DNAH6: variants seen among roughly 807,000 people sequenced by gnomAD.
The protein encoded by DNAH6 is axonemal beta dynein heavy chain 6.
Under a neutral mutation model 491.4 loss-of-function variants are expected in DNAH6, and 340 were observed. The ratio of observed to expected loss-of-function variants is 0.69; its 90% CI spans 0.63 to 0.76. The LOEUF (loss-of-function observed/expected upper bound fraction) is 0.76, where lower values mean the gene tolerates loss of function less well. Among genes scored for constraint, DNAH6 ranks in the 30% least tolerant of loss-of-function variants. The probability of loss-of-function intolerance (pLI) is 0.00; values close to 1 mark genes in which losing one functional copy is unlikely to be tolerated. For synonymous variants in DNAH6, 1,603 were observed against 1,686.1 expected (o/e 0.95, Z 1.21); for missense variants, 4,443 against 4,972.2 (o/e 0.89, Z 3.20).
intron 64 of DNAH6, among the ~76,000 whole-genome samples, chr2:84,764,522 CAA>C (rs1674890676): frequency 6.6e-6 from 1 of 152,004 alleles, no homozygotes; most frequent in South Asian, 2.1e-4. Context: ...AAAAAATAAG[CAA>C]AAATTATTTG....
chr2:84,618,958 C>T (rs1327551098), intron 23 of DNAH6, among the ~76,000 whole-genome samples: 2 of 152,140 alleles, frequency 1.3e-5, no homozygotes, highest in African/African-American at 4.8e-5. Context: ...ACGTTATTTA[C>T]AAAAACAGGT....
At chr2:84,812,572 G>A (rs1259453259) in intron 73 of DNAH6, 46 bp downstream of exon 73, 2 of 1,504,670 alleles carry the variant, frequency 1.3e-6, no homozygotes, top group South Asian at 2.5e-5. Flanking sequence ...TGATGGCATA[G>A]TTGGCCTAAG....
At chr2:84,495,766 C>G in the DNAH6 span, among the ~76,000 whole-genome samples, 2 of 152,100 alleles carry the variant, frequency 1.3e-5, no homozygotes, top group East Asian at 3.9e-4. Context: ...ATATCACAAA[C>G]CCCTCAGAAA....
At chr2:84,467,217 T>G in the DNAH6 span, among the ~76,000 whole-genome samples, 2 of 151,814 alleles carry the variant, frequency 1.3e-5, no homozygotes, top group African/African-American at 4.9e-5. Flanking sequence ...TATCCTAACT[T>G]AAAACAATCC....
In DNAH6 at chr2:84,814,063, G is replaced by T; in HGVS notation, c.12091G>T (p.Ala4031Ser). Residue 4031 changes from alanine to serine, a missense_variant, in exon 75 of 77, where the codon GCA becomes TCA. Ala to Ser is a moderately conservative substitution (Grantham distance 99). This residue lies in a region of DNAH6 where 1,463 missense variants were observed against 1,656.6 expected (regional missense o/e 0.88). Transcript: ENST00000389394. ...AATTCCCACCTATCGGGATCAAGCT[G>T]CAGTGATAGAAGCTGCCAAGACAGT... ...SVIPTYRDQA[A>S]VIEAAKTVQF... 4 of 1,551,740 alleles carry T rather than the reference G, an allele frequency of 2.6e-6. No individual in the cohort carries two copies. The highest frequency in any genetic ancestry group is 3.5e-6 in the Non-Finnish European group (4 of 1,146,996).
intron 42 of DNAH6, among the ~76,000 whole-genome samples, chr2:84,683,760 G>A (rs181998056): frequency 2.0e-5 from 3 of 152,140 alleles, no homozygotes; most frequent in Non-Finnish European, 2.9e-5. Flanking sequence ...TAACTAACAT[G>A]TATAAGTTTG....
chr2:84,760,748 T>C (rs867346584), intron 63 of DNAH6, among the ~76,000 whole-genome samples: 9 of 152,260 alleles, frequency 5.9e-5, no homozygotes, highest in Middle Eastern at 3.4e-3. Flanking sequence ...AAACAGTATT[T>C]AAAAAAATTT....
At chr2:84,583,835 C>A (rs1174849509) in intron 14 of DNAH6, among the ~76,000 whole-genome samples, 164 bp from the exon 15 acceptor site, 1 of 152,148 alleles carries the variant, frequency 6.6e-6, no homozygotes. Context: ...TCCATTAAAC[C>A]TTTCTTTTAT....
Position 84,579,598 on chromosome 2 carries a change from A to C in DNAH6, c.2148A>C (p.Ala716=). 6.2e-7 allele frequency: 1 copy of C among 1,613,488 alleles called. No individual in the cohort carries two copies. The highest frequency in any genetic ancestry group is 8.5e-7 in the Non-Finnish European group (1 of 1,179,636). Residue 716 remains alanine, a synonymous_variant, in exon 14 of 77, where the codon GCA becomes GCC. Transcript: ENST00000389394. ...VDAIIFEAQD[A]EYKLEFVPTT... ...CCATTATCTTTGAGGCACAAGATGC[A>C]GAGTATAAACTTGAGTTTGTTCCAA...
chr2:84,775,417 T>A (rs1325408700), intron 64 of DNAH6, among the ~76,000 whole-genome samples: 1 of 152,132 alleles, frequency 6.6e-6, no homozygotes, highest in African/African-American at 2.4e-5. Context: ...TTTCCTAGTA[T>A]TTTGTTGAGA....
chr2:84,814,189 C>G, intron 75 of DNAH6, 67 bp downstream of exon 75: 2 of 1,477,916 alleles, frequency 1.4e-6, no homozygotes, highest in South Asian at 2.6e-5. Context: ...TTTCAGACAA[C>G]CTTCCATGCC....
At chr2:84,522,188 A>C (rs974495868) in intron 2 of DNAH6, among the ~76,000 whole-genome samples, 1 of 151,896 alleles carries the variant, frequency 6.6e-6, no homozygotes, top group Non-Finnish European at 1.5e-5. Context: ...GAGAACTTAC[A>C]CCTCCCTGGT....
At position 84,634,004 on chromosome 2, in the gene DNAH6, C is replaced by T. The variant is rs147426386; in HGVS notation, c.4516-500C>T. Among the ~76,000 whole-genome samples, 63 of 152,354 alleles carry T rather than the reference C, an allele frequency of 4.1e-4. 1 individual carries two copies. Among genetic ancestry groups the T allele is most frequent in the African/African-American group, 1.5e-3 (62 of 41,590 alleles). On this transcript the variant is annotated intron_variant, in intron 29 of 76. Transcript: ENST00000389394. Reference sequence around the variant, plus strand: ...AATGCCACACTTTAGATGGTACATTCTTATTTTCCTCCACCATTAGGATTC... The same window carrying T: ...AATGCCACACTTTAGATGGTACATTTTTATTTTCCTCCACCATTAGGATTC...
At chr2:84,596,921 A>G (rs905152815) in intron 18 of DNAH6, among the ~76,000 whole-genome samples, 1 of 152,102 alleles carries the variant, frequency 6.6e-6, no homozygotes, top group Non-Finnish European at 1.5e-5. Flanking sequence ...TCGAAATCCT[A>G]GTTTATATTT....
Position 84,705,657 on chromosome 2 carries a change from A to G in DNAH6, c.8637A>G (p.Lys2879=). 1 of 1,551,730 alleles carries G rather than the reference A, an allele frequency of 6.4e-7. No individual in the cohort carries two copies. The highest frequency in any genetic ancestry group is 1.4e-5 in the African/African-American group (1 of 73,174). Residue 2879 remains lysine, a synonymous_variant, in exon 52 of 77, where the codon AAA becomes AAG. Transcript: ENST00000389394. ...EKVEKVSKAC[K]SMCMWVRAMD... is the part of the protein sequence containing the mutation. ...TGGAGAAAGTGTCCAAAGCATGTAA[A>G]TCTATGTGCATGTGGGTAAGAGCTA... is the stretch of plus-strand genomic sequence containing the variant.
At position 84,787,231 on chromosome 2, in the gene DNAH6, G is replaced by A. The variant is rs1338198654; in HGVS notation, c.11168G>A (p.Cys3723Tyr). The change falls in exon 68 of 77, where the codon TGT becomes TAT. Residue 3723 changes from cysteine to tyrosine, a missense_variant. Cys to Tyr is a radical substitution (Grantham distance 194). Coordinates refer to ENST00000389394, the MANE Select transcript of DNAH6 (RefSeq NM_001370.2). ...GAATTTAATGACAGTGACAGGGAAT[G>A]TGCTTTACTGAATCTCAAACTCTAT... is the stretch of plus-strand genomic sequence containing the variant. Reference protein sequence around the residue: ...CYEFNDSDRECALLNLKLYCK... With the variant: ...CYEFNDSDREYALLNLKLYCK... 2 of 1,543,594 alleles carry A rather than the reference G, an allele frequency of 1.3e-6. No homozygotes were observed. Among genetic ancestry groups the A allele is most frequent in the Non-Finnish European group, 1.8e-6 (2 of 1,140,794 alleles).
chr2:84,793,981 A>G (rs991770968), intron 68 of DNAH6, among the ~76,000 whole-genome samples: 1 of 152,252 alleles, frequency 6.6e-6, no homozygotes, highest in Admixed American at 6.5e-5. Flanking sequence ...AAACAGAGAT[A>G]TAGATCAATG....
chr2:84,669,514 G>A lies in DNAH6; in HGVS notation c.6306+4G>A. The A allele has an allele frequency of 1.9e-6, 3 of 1,551,078 alleles. No homozygotes were observed. Among genetic ancestry groups the A allele is most frequent in the Non-Finnish European group, 2.6e-6 (3 of 1,146,514 alleles). On this transcript the variant is annotated splice_donor_region_variant and intron_variant, in intron 38 of 76. Transcript: ENST00000389394. Reference sequence around the variant, plus strand: ...TGGAATAACTGGAGTGGGCAAGGTAGGAAACTTACATCAAACAAGAAGTCC... The same window carrying A: ...TGGAATAACTGGAGTGGGCAAGGTAAGAAACTTACATCAAACAAGAAGTCC...
chr2:84,715,465 T>C (rs964554873), intron 57 of DNAH6, 95 bp from the exon 58 acceptor site: 1 of 1,178,116 alleles, frequency 8.5e-7, no homozygotes, highest in Non-Finnish European at 1.2e-6. Flanking sequence ...CTGAGATACA[T>C]CCGCCTGGGT....
Sources: gnomAD v4.1 joint callset for allele counts (sites outside exome capture counted in the v4.1 genomes callset) on GRCh38, gnomAD v4.1.1 for gene constraint, gnomAD v4.1.1 regional missense constraint, MANE v1.5 for transcripts, NCBI Gene and HGNC (gene_info 2026-07-23, HGNC 2026-07-21) for gene names.